SCFD1: variants seen among roughly 807,000 people sequenced by gnomAD.
The protein encoded by SCFD1 is sec1 family domain-containing protein 1.
SCFD1 carries 37 observed loss-of-function variants against 103.2 expected under a neutral mutation model. The ratio of observed to expected loss-of-function variants is 0.36; its 90% CI spans 0.28 to 0.47. SCFD1 has a LOEUF of 0.47. Among genes scored for constraint, SCFD1 ranks in the 20% least tolerant of loss-of-function variants. The pLI is 1.00. For missense variants in SCFD1, 639 were observed against 761.2 expected (o/e 0.84, Z 1.89); for synonymous variants, 264 against 245.0 (o/e 1.08, Z -0.73).
Position 30,724,455 on chromosome 14 carries a change from G to A in SCFD1, c.1836+1896G>A, listed in dbSNP as rs139661980. Among the ~76,000 whole-genome samples, 6 of 151,814 alleles carry A rather than the reference G, an allele frequency of 4.0e-5. No homozygotes were observed. The East Asian group carries it at 5.8e-4, about 15-fold the overall frequency. On this transcript the variant is annotated intron_variant, in intron 23 of 24. Transcript: ENST00000458591. Reference sequence around the variant, plus strand: ...TTTAGTAGACACGGAGTTACACCACGTTGGCCAGATTGGTCTTGAACTCCT... The same window carrying A: ...TTTAGTAGACACGGAGTTACACCACATTGGCCAGATTGGTCTTGAACTCCT...
chr14:30,665,203 A>G (rs1346384083), intron 10 of SCFD1, among the ~76,000 whole-genome samples: 1 of 152,244 alleles, frequency 6.6e-6, no homozygotes, highest in African/African-American at 2.4e-5. Flanking sequence ...CTCAGCAGAA[A>G]CTGTACAAGC....
chr14:30,660,504 C>T (rs1887344267), intron 10 of SCFD1, among the ~76,000 whole-genome samples: 2 of 152,110 alleles, frequency 1.3e-5, no homozygotes, highest in Admixed American at 6.6e-5. Context: ...AATCTTTTAC[C>T]TAAAGGTTTA....
chr14:30,628,405 A>G (rs1448967983), intron 2 of SCFD1, 126 bp downstream of exon 2: 1 of 600,062 alleles, frequency 1.7e-6, no homozygotes, highest in Non-Finnish European at 2.9e-6. Flanking sequence ...TTTTATCCTT[A>G]TTTAACATGA....
intron 7 of SCFD1, among the ~76,000 whole-genome samples, chr14:30,646,129 A>G (rs528859833): frequency 2.6e-5 from 4 of 152,146 alleles, no homozygotes; most frequent in African/African-American, 9.6e-5. Flanking sequence ...GGATTCAAGC[A>G]ATTCTGCCTC....
chr14:30,638,155 T>A lies in SCFD1; in HGVS notation c.343T>A (p.Tyr115Asn), dbSNP rs1005555929. The A allele has an allele frequency of 1.1e-5, 18 of 1,611,012 alleles. No individual in the cohort carries two copies. Among genetic ancestry groups the A allele is most frequent in the Non-Finnish European group, 1.4e-5 (16 of 1,178,568 alleles). ...TCGAAATCAACTATATGAATCATAT[T>A]ATTTAAATTTTATTTCTGCTATTTC... is the stretch of plus-strand genomic sequence containing the variant. ...DLRNQLYESY[Y>N]LNFISAISRS... Residue 115 changes from tyrosine to asparagine, a missense_variant, in exon 5 of 25, where the codon TAT (tyrosine) becomes AAT (asparagine). By Grantham distance (143) the Tyr-to-Asn change is moderately radical. Transcript: ENST00000458591.
intron 20 of SCFD1, among the ~76,000 whole-genome samples, chr14:30,717,154 C>A (rs1257491413): frequency 6.6e-6 from 1 of 152,124 alleles, no homozygotes; most frequent in Non-Finnish European, 1.5e-5. Context: ...AAACTTTAGA[C>A]AGGTGCCAAA....
chr14:30,633,464 ATATAT>A (rs1328913416), intron 3 of SCFD1, among the ~76,000 whole-genome samples: 2 of 152,184 alleles, frequency 1.3e-5, no homozygotes, highest in African/African-American at 4.8e-5. Flanking sequence ...CATTTAAAAA[ATATAT>A]TTGATTTCAT....
At chr14:30,684,078 A>G (rs143417948) in intron 14 of SCFD1, among the ~76,000 whole-genome samples, 101 of 152,350 alleles carry the variant, frequency 6.6e-4, no homozygotes, top group Admixed American at 1.5e-3. Context: ...AATTACTTAT[A>G]GGAAGGAAAA....
At chr14:30,714,725 A>C (rs943481442) in intron 19 of SCFD1, among the ~76,000 whole-genome samples, 1 of 152,224 alleles carries the variant, frequency 6.6e-6, no homozygotes. Context: ...CTGATCTATA[A>C]ACAATCAGAT....
intron 1 of SCFD1, among the ~76,000 whole-genome samples, chr14:30,625,619 A>T (rs201590789): frequency 1.5e-5 from 1 of 68,204 alleles, no homozygotes; most frequent in South Asian, 4.2e-4. Context: ...AGGTATACCT[A>T]TATAGGTATA....
intron 23 of SCFD1, among the ~76,000 whole-genome samples, chr14:30,726,217 A>T (rs1286740923): frequency 1.3e-5 from 2 of 152,226 alleles, no homozygotes; most frequent in Non-Finnish European, 1.5e-5. Context: ...ATTGCAGTTT[A>T]CCAGATAATC....
At chr14:30,682,295 T>G (rs1041874243) in intron 14 of SCFD1, among the ~76,000 whole-genome samples, 1 of 152,250 alleles carries the variant, frequency 6.6e-6, no homozygotes, top group Non-Finnish European at 1.5e-5. Context: ...AAATGAATTT[T>G]GTTCAAGATT....
intron 14 of SCFD1, among the ~76,000 whole-genome samples, chr14:30,678,375 A>G (rs1197418658): frequency 6.6e-6 from 1 of 152,220 alleles, no homozygotes; most frequent in East Asian, 1.9e-4. Context: ...AACTTTAAGA[A>G]ACATTTTCAC....
chr14:30,647,916 G>T (rs1886002800), intron 7 of SCFD1, among the ~76,000 whole-genome samples: 1 of 152,158 alleles, frequency 6.6e-6, no homozygotes, highest in Non-Finnish European at 1.5e-5. Flanking sequence ...CTCCCAAAGT[G>T]CTGGGATTAC....
chr14:30,642,230 G>C (rs1276577723), intron 6 of SCFD1, among the ~76,000 whole-genome samples: 1 of 152,082 alleles, frequency 6.6e-6, no homozygotes, highest in African/African-American at 2.4e-5. Context: ...TGGGATTACA[G>C]GTGTGTGCCA....
intron 8 of SCFD1, among the ~76,000 whole-genome samples, chr14:30,650,134 C>T (rs1419895245): frequency 6.6e-6 from 1 of 152,172 alleles, no homozygotes; most frequent in Non-Finnish European, 1.5e-5. Context: ...TGGTGGAAGA[C>T]TGCCTTCTTT....
intron 15 of SCFD1, among the ~76,000 whole-genome samples, chr14:30,699,730 C>T (rs868763282): frequency 6.6e-6 from 1 of 152,102 alleles, no homozygotes; most frequent in Admixed American, 6.6e-5. Flanking sequence ...TTTGTTTAGC[C>T]AGCAAAGTCT....
chr14:30,675,331 C>G (rs1888940513), intron 14 of SCFD1: 2 of 253,500 alleles, frequency 7.9e-6, no homozygotes, highest in Admixed American at 5.5e-5. Context: ...CTCAATATCA[C>G]TGCTGTACAT....
At chr14:30,702,262 A>G in intron 16 of SCFD1, 34 bp from the exon 17 acceptor site, 1 of 1,385,912 alleles carries the variant, frequency 7.2e-7, no homozygotes, top group Non-Finnish European at 1.0e-6. Flanking sequence ...TTGAAAGTAA[A>G]ATTTTTTGTC....
Sources: allele counts gnomAD v4.1 joint callset (sites outside exome capture counted in the v4.1 genomes callset), GRCh38; gene constraint gnomAD v4.1.1; transcripts MANE v1.5; gene names NCBI Gene and HGNC (gene_info 2026-07-23, HGNC 2026-07-21).